The following ATF7IP variants were observed in gnomAD, a reference collection of about 807,000 sequenced individuals.
The protein encoded by ATF7IP is activating transcription factor 7-interacting protein 1.
A neutral mutation model predicts 106.4 loss-of-function variants in ATF7IP; 23 were observed. That is an observed-to-expected ratio of 0.22 (90% CI 0.16 to 0.31). ATF7IP has a LOEUF of 0.31. ATF7IP is among the 10% of genes least tolerant of loss of function. The probability of loss-of-function intolerance (pLI) is 1.00; values close to 1 mark genes in which losing one functional copy is unlikely to be tolerated. For missense variants in ATF7IP, 1,334 were observed against 1,524.3 expected, an observed-to-expected ratio of 0.88 and a Z score of 2.08; for synonymous variants, 542 against 539.0, an observed-to-expected ratio of 1.01 and a Z score of -0.08.
chr12:14,471,784 C>A (rs186433019), intron 10 of ATF7IP, among the ~76,000 whole-genome samples: 131 of 152,172 alleles, frequency 8.6e-4, no homozygotes, highest in African/African-American at 3.1e-3. Flanking sequence ...TACCTCCCAC[C>A]CAGTCCCTCC....
intron 10 of ATF7IP, among the ~76,000 whole-genome samples, chr12:14,469,701 T>A (rs949331871): frequency 6.6e-6 from 1 of 152,142 alleles, no homozygotes; most frequent in African/African-American, 2.4e-5. Context: ...CTAGAAGGAT[T>A]TCATAAGACC....
intron 6 of ATF7IP, among the ~76,000 whole-genome samples, chr12:14,454,915 A>G (rs986767942): frequency 6.6e-6 from 1 of 152,180 alleles, no homozygotes; most frequent in South Asian, 2.1e-4. Context: ...ACAGTAGCTC[A>G]TGCCTGTAAT....
chr12:14,463,745 C>T (rs1424607894), intron 9 of ATF7IP, among the ~76,000 whole-genome samples: 2 of 151,946 alleles, frequency 1.3e-5, no homozygotes, highest in Non-Finnish European at 2.9e-5. Flanking sequence ...GCTGGAGGCT[C>T]TTGTACTGTA....
chr12:14,367,011 C>G (rs1938327915), intron 1 of ATF7IP, among the ~76,000 whole-genome samples: 1 of 152,130 alleles, frequency 6.6e-6, no homozygotes, highest in East Asian at 1.9e-4. Flanking sequence ...ATAGTTAAAT[C>G]TTATGTAACA....
At chr12:14,427,935 C>T (rs1941940289) in intron 2 of ATF7IP, among the ~76,000 whole-genome samples, 2 of 152,074 alleles carry the variant, frequency 1.3e-5, no homozygotes, top group Admixed American at 1.3e-4. Context: ...AGAAGCATAT[C>T]ATGGAGGACC....
chr12:14,388,618 A>C (rs1248049597), intron 1 of ATF7IP, among the ~76,000 whole-genome samples: 5 of 152,068 alleles, frequency 3.3e-5, no homozygotes, highest in Non-Finnish European at 5.9e-5. Flanking sequence ...AAGTGTTGGG[A>C]TTATAGGCAT....
chr12:14,497,280 G>A (rs958148264), intron 14 of ATF7IP, among the ~76,000 whole-genome samples: 2 of 152,106 alleles, frequency 1.3e-5, no homozygotes, highest in African/African-American at 2.4e-5. Flanking sequence ...ATTTAAAAAT[G>A]TTACATCATA....
At chr12:14,366,807 C>G (rs1418777349) in intron 1 of ATF7IP, among the ~76,000 whole-genome samples, 1 of 151,970 alleles carries the variant, frequency 6.6e-6, no homozygotes, top group Non-Finnish European at 1.5e-5. Flanking sequence ...TACCCTGAGG[C>G]CTCTTTGAAG....
chr12:14,473,543 T>G (rs1944141128), intron 10 of ATF7IP, among the ~76,000 whole-genome samples: 1 of 152,106 alleles, frequency 6.6e-6, no homozygotes, highest in African/African-American at 2.4e-5. Context: ...AATTTTTGCC[T>G]TATAGAATTT....
At chr12:14,456,750 G>A (rs377514942) in intron 7 of ATF7IP, 116 bp downstream of exon 7, 25 of 713,282 alleles carry the variant, frequency 3.5e-5, no homozygotes, top group South Asian at 2.3e-4. Context: ...AGTGTTTGGT[G>A]TACTTGGTTA....
chr12:14,458,316 A>G (rs1943511054), intron 8 of ATF7IP, among the ~76,000 whole-genome samples: 1 of 152,182 alleles, frequency 6.6e-6, no homozygotes, highest in Non-Finnish European at 1.5e-5. Context: ...ACTCATATCT[A>G]TATCTGTTTT....
intron 1 of ATF7IP, among the ~76,000 whole-genome samples, chr12:14,380,633 T>A (rs953245666): frequency 2.0e-5 from 3 of 152,084 alleles, no homozygotes; most frequent in African/African-American, 7.2e-5. Context: ...TTTTATTTTA[T>A]TTTTTTTAAG....
At position 14,429,403 on chromosome 12, in the gene ATF7IP, G is replaced by A. The variant is rs537086486; in HGVS notation, c.1558+3930G>A. Among the ~76,000 whole-genome samples the A allele has an allele frequency of 7.0e-4, 107 of 151,848 alleles. No homozygotes were observed. In the Middle Eastern group the frequency reaches 0.02, roughly 29 times the overall value. On this transcript the variant is annotated intron_variant, in intron 2 of 14. Coordinates refer to ENST00000261168, the MANE Select transcript of ATF7IP (RefSeq NM_018179.5). Reference sequence around the variant, plus strand: ...AAAAATAGGGATAGGCCTCCTCCACGTGCTTTTTTTTCTTAAACATAAGAT... The same window carrying A: ...AAAAATAGGGATAGGCCTCCTCCACATGCTTTTTTTTCTTAAACATAAGAT...
intron 1 of ATF7IP, among the ~76,000 whole-genome samples, chr12:14,414,832 AG>A (rs762019626): frequency 1.3e-5 from 2 of 152,200 alleles, no homozygotes; most frequent in Non-Finnish European, 2.9e-5. Context: ...AGGCATTTGA[AG>A]GATTTACATC....
At chr12:14,409,142 C>T (rs542522182) in intron 1 of ATF7IP, among the ~76,000 whole-genome samples, 21 of 151,578 alleles carry the variant, frequency 1.4e-4, no homozygotes, top group African/African-American at 4.1e-4. Context: ...ACTAGATACT[C>T]GATAAAAATG....
chr12:14,490,806 A>G (rs532807673), intron 13 of ATF7IP, among the ~76,000 whole-genome samples: 3 of 152,152 alleles, frequency 2.0e-5, no homozygotes, highest in South Asian at 4.2e-4. Context: ...GAACCCAATC[A>G]CATATATACC....
intron 1 of ATF7IP, among the ~76,000 whole-genome samples, chr12:14,412,752 G>A (rs979463498): frequency 2.2e-4 from 34 of 151,766 alleles, no homozygotes; most frequent in African/African-American, 7.8e-4. Flanking sequence ...GGTGGCTCAT[G>A]CCTGTAATCC....
At chr12:14,489,551 A>G (rs960649594) in intron 13 of ATF7IP, among the ~76,000 whole-genome samples, 1 of 152,086 alleles carries the variant, frequency 6.6e-6, no homozygotes, top group Non-Finnish European at 1.5e-5. Flanking sequence ...TGATTCGTGG[A>G]CCCATGAATC....
At chr12:14,468,241 C>T (rs1223333003) in intron 10 of ATF7IP, among the ~76,000 whole-genome samples, 1 of 145,374 alleles carries the variant, frequency 6.9e-6, no homozygotes, top group Admixed American at 7.0e-5. Context: ...TTACTCCAGC[C>T]TGGGTGAAAG....
Sources: allele counts gnomAD v4.1 joint callset (sites outside exome capture counted in the v4.1 genomes callset), GRCh38; gene constraint gnomAD v4.1.1; transcripts MANE v1.5; gene names NCBI Gene and HGNC (gene_info 2026-07-23, HGNC 2026-07-21).